The following ARMH1 variants were observed in gnomAD, a reference collection of about 807,000 sequenced individuals.
ARMH1 encodes armadillo like helical domain containing 1.
Under a neutral mutation model 50.2 loss-of-function variants are expected in ARMH1, and 34 were observed. The ratio of observed to expected loss-of-function variants is 0.68; its 90% CI spans 0.51 to 0.90. ARMH1 has a LOEUF of 0.90. Among genes scored for constraint, ARMH1 ranks in the 40% least tolerant of loss-of-function variants. The pLI, the probability that ARMH1 is intolerant of heterozygous loss-of-function variation, is 0.00. For synonymous variants in ARMH1, 221 were observed against 224.2 expected (o/e 0.99, Z 0.13); for missense variants, 538 against 553.9 (o/e 0.97, Z 0.29).
intron 5 of ARMH1, among the ~76,000 whole-genome samples, chr1:44,702,566 G>A (rs1573385802): frequency 1.3e-5 from 2 of 151,966 alleles, no homozygotes; most frequent in South Asian, 4.2e-4. Context: ...ACAAAAATTA[G>A]CTGGGCGTGG....
intron 2 of ARMH1, among the ~76,000 whole-genome samples, chr1:44,693,461 C>T (rs115964211): frequency 0.031 from 4,771 of 152,116 alleles, 260 homozygotes; most frequent in African/African-American, 0.11. Context: ...TTGTTGTTGT[C>T]TGAGACAGAG....
intron 3 of ARMH1, among the ~76,000 whole-genome samples, 170 bp from the exon 4 acceptor site, chr1:44,697,893 G>A (rs1645880879): frequency 6.6e-6 from 1 of 152,194 alleles, no homozygotes. Context: ...TGTAATTCCA[G>A]TCTTTCCTGC....
At chr1:44,698,006 TC>T (rs1645886902) in intron 3 of ARMH1, 56 bp from the exon 4 acceptor site, 6 of 1,399,004 alleles carry the variant, frequency 4.3e-6, no homozygotes, top group African/African-American at 1.4e-5. Flanking sequence ...CTTTGAAAGC[TC>T]AGTGCAAAGG....
At chr1:44,708,464 C>T (rs867148164) in intron 6 of ARMH1, among the ~76,000 whole-genome samples, 21 of 152,112 alleles carry the variant, frequency 1.4e-4, no homozygotes, top group African/African-American at 4.6e-4. Context: ...TACCAGACAC[C>T]GGGGTTTTGT....
intron 6 of ARMH1, among the ~76,000 whole-genome samples, chr1:44,707,034 C>T (rs1240194950): frequency 1.3e-5 from 2 of 152,154 alleles, no homozygotes; most frequent in Non-Finnish European, 2.9e-5. Flanking sequence ...CCTGACCCTG[C>T]CTTCAACCCC....
intron 6 of ARMH1, among the ~76,000 whole-genome samples, chr1:44,715,918 C>A (rs989250058): frequency 9.2e-5 from 14 of 152,244 alleles, no homozygotes; most frequent in African/African-American, 3.1e-4. Context: ...CTAGCACGTG[C>A]TCAATCCCTG....
intron 6 of ARMH1, among the ~76,000 whole-genome samples, chr1:44,717,817 C>T (rs1425378975): frequency 2.6e-5 from 4 of 152,216 alleles, no homozygotes; most frequent in African/African-American, 9.6e-5. Flanking sequence ...TTTTGTTGTC[C>T]TTTGCTTTCT....
chr1:44,708,427 T>C (rs540434152), intron 6 of ARMH1, among the ~76,000 whole-genome samples: 1 of 152,332 alleles, frequency 6.6e-6, no homozygotes, highest in South Asian at 2.1e-4. Flanking sequence ...AAATATTTAC[T>C]GAATATCTGT....
intron 6 of ARMH1, among the ~76,000 whole-genome samples, chr1:44,722,903 CAAAAAAAAAA>C (rs71036693): frequency 9.7e-4 from 83 of 85,972 alleles, no homozygotes; most frequent in Middle Eastern, 6.8e-3. Context: ...ACTAAAAATA[CAAAAAAAAAA>C]AAAAAAAAAA....
Position 44,724,967 on chromosome 1 carries a change from G to C in ARMH1, c.1128+128G>C, listed in dbSNP as rs1239861599. 2 of 1,498,022 alleles carry C rather than the reference G, an allele frequency of 1.3e-6. No homozygotes were observed. The highest frequency in any genetic ancestry group is 2.8e-5 in the African/African-American group (2 of 72,076). The allele number at this position is 1,498,022 out of a possible 1,614,324, so 92.8% of individuals were successfully genotyped here. A position where few individuals can be genotyped will look rare whatever the true frequency, so the allele number is the denominator to read the frequency against. On this transcript the variant is annotated intron_variant, in intron 10 of 11. Coordinates refer to ENST00000535358, the MANE Select transcript of ARMH1 (RefSeq NM_001145636.2). The surrounding 1 kb of genome is among the most constrained non-coding windows in gnomAD (Gnocchi z 6.4). ...TGGACCTGGCCACCAGCTGCAGGAG[G>C]GACTGCTCTGGCGTAGGCTCCTCCA...
At chr1:44,688,821 A>G (rs1262449998) in intron 1 of ARMH1, among the ~76,000 whole-genome samples, 1 of 152,042 alleles carries the variant, frequency 6.6e-6, no homozygotes, top group Non-Finnish European at 1.5e-5. Flanking sequence ...AAGGACACAG[A>G]CTCCTACAAA....
chr1:44,721,836 T>G (rs961265860), intron 6 of ARMH1: 12 of 152,094 alleles, frequency 7.9e-5, no homozygotes, highest in Non-Finnish European at 1.5e-4. Context: ...CTCATAGTTG[T>G]TTTTCTCCAC....
Position 44,724,550 on chromosome 1 carries a change from G to A in ARMH1, c.932G>A (p.Arg311His). 1 of 1,511,188 alleles carries A rather than the reference G, an allele frequency of 6.6e-7. No homozygotes were observed. Among genetic ancestry groups the A allele is most frequent in the Non-Finnish European group, 8.8e-7 (1 of 1,132,686 alleles). 93.6% of individuals were successfully genotyped at this position (1,511,188 alleles called of 1,614,324 possible). A position where few individuals can be genotyped will look rare whatever the true frequency, so the allele number is the denominator to read the frequency against. ...AAAKAIGVLA[R>H]NDMSIAEELL... ...AACCCCCGGCCCAGGGTCCTGGCGC[G>A]CAACGACATGAGCATCGCCGAGGAG... The change falls in exon 9 of 12, where the codon CGC becomes CAC. Residue 311 changes from arginine (R) to histidine (H), a missense_variant. Arg to His is a conservative substitution (Grantham distance 29). Transcript: ENST00000535358. This position sits in a 1 kb window ranked among gnomAD's most constrained non-coding sequence, Gnocchi z 6.4.
chr1:44,675,126 G>T (rs1030205441), intron 1 of ARMH1, among the ~76,000 whole-genome samples: 10 of 152,146 alleles, frequency 6.6e-5, no homozygotes, highest in African/African-American at 2.4e-4. Flanking sequence ...CCAGAGACTG[G>T]GTGGGCTAAA....
chr1:44,690,325 GT>G (rs1203163445), intron 2 of ARMH1, among the ~76,000 whole-genome samples: 4 of 151,384 alleles, frequency 2.6e-5, no homozygotes, highest in African/African-American at 9.8e-5. Flanking sequence ...GACATCTGGT[GT>G]TTAAAAAAAA....
intron 6 of ARMH1, among the ~76,000 whole-genome samples, chr1:44,718,765 T>C (rs1021300231): frequency 1.3e-5 from 2 of 152,130 alleles, no homozygotes; most frequent in African/African-American, 4.8e-5. Flanking sequence ...TGGCCCATGC[T>C]TGTAATCCCA....
intron 6 of ARMH1, among the ~76,000 whole-genome samples, chr1:44,722,635 C>G (rs1647475782): frequency 6.6e-6 from 1 of 151,436 alleles, no homozygotes; most frequent in Non-Finnish European, 1.5e-5. Context: ...TCCCAGCTTC[C>G]CAGGAGGCTG....
rs1404036308 is a variant in ARMH1, at chr1:44,681,091, T to C, written c.-23+6218T>C. On this transcript the variant is annotated intron_variant, in intron 1 of 11. Coordinates refer to ENST00000535358, the MANE Select transcript of ARMH1 (RefSeq NM_001145636.2). This position sits in a 1 kb window ranked among gnomAD's most constrained non-coding sequence, Gnocchi z 4.3. ...CTCACTGCAAGCTCCACCTCCCGGG[T>C]TCACGCCATTCTCCTGCCTCAGCCT... is the stretch of plus-strand genomic sequence containing the variant. Among the ~76,000 whole-genome samples, 1 of 150,474 alleles carries C rather than the reference T, an allele frequency of 6.6e-6. No homozygotes were observed. Among genetic ancestry groups the C allele is most frequent in the African/African-American group, 2.5e-5 (1 of 40,738 alleles).
Position 44,700,925 on chromosome 1 carries a change from G to C in ARMH1, c.445G>C (p.Val149Leu). The C allele has an allele frequency of 6.5e-7, 1 of 1,548,672 alleles. No individual in the cohort carries two copies. Residue 149 changes from valine (V) to leucine (L), a missense_variant and splice_region_variant, in exon 5 of 12, where the codon GTA becomes CTA. Val to Leu is a conservative substitution (Grantham distance 32, BLOSUM62 1). Coordinates refer to ENST00000535358, the MANE Select transcript of ARMH1 (RefSeq NM_001145636.2). Reference protein sequence around the residue: ...YKELICESYGVRSIAEFLAKS... With the variant: ...YKELICESYGLRSIAEFLAKS... Reference sequence around the variant, plus strand: ...CATTTCCTCTCTTCTTTGCTCAGGTGTACGATCCATAGCAGAATTTTTGGC... The same window carrying C: ...CATTTCCTCTCTTCTTTGCTCAGGTCTACGATCCATAGCAGAATTTTTGGC...
Sources: gnomAD v4.1 joint callset for allele counts (sites outside exome capture counted in the v4.1 genomes callset) on GRCh38, gnomAD v4.1.1 for gene constraint, Gnocchi (gnomAD v3.1) non-coding constraint, MANE v1.5 for transcripts, NCBI Gene and HGNC (gene_info 2026-07-23, HGNC 2026-07-21) for gene names.